USP50: variants seen among roughly 807,000 people sequenced by gnomAD.
The protein encoded by USP50 is ubiquitin specific peptidase 50.
USP50 carries 37 observed loss-of-function variants against 39.2 expected under a neutral mutation model. That is an observed-to-expected ratio of 0.94 (90% CI 0.73 to 1.24). The LOEUF (loss-of-function observed/expected upper bound fraction) is 1.24, where lower values mean the gene tolerates loss of function less well. Ranked by LOEUF, USP50 falls within the 50% of genes most tolerant of loss-of-function variation. The pLI, the probability that USP50 is intolerant of heterozygous loss-of-function variation, is 0.00. For synonymous variants in USP50, 139 were observed against 144.5 expected, an observed-to-expected ratio of 0.96 and a Z score of 0.27; for missense variants, 374 against 398.2, an observed-to-expected ratio of 0.94 and a Z score of 0.52.
At chr15:50,512,071 G>C (rs2052745478) in intron 6 of USP50, 1 of 152,158 alleles carries the variant, frequency 6.6e-6, no homozygotes, top group African/African-American at 2.4e-5. Flanking sequence ...TAGAGGCCAG[G>C]AGAAGTGGTT....
At chr15:50,496,102 A>G, downstream of USP50, 4 of 1,556,978 alleles carry the variant, frequency 2.6e-6, no homozygotes, top group Non-Finnish European at 3.5e-6. Flanking sequence ...TAAGAAGTAG[A>G]GAGAAAATGA....
At chr15:50,513,518 T>TAAAAAAA (rs35523535) in intron 6 of USP50, 1 of 85,958 alleles carries the variant, frequency 1.2e-5, no homozygotes, top group Non-Finnish European at 2.3e-5. Flanking sequence ...CGAAACTGTC[T>TAAAAAAA]AAAAAAAAAA....
intron 6 of USP50, among the ~76,000 whole-genome samples, chr15:50,514,677 T>C (rs1403385144): frequency 1.3e-5 from 2 of 151,942 alleles, no homozygotes; most frequent in Non-Finnish European, 2.9e-5. Flanking sequence ...TACAGGCGCA[T>C]GCCACCACAC....
At chr15:50,530,901 G>C (rs1337626232) in intron 5 of USP50, among the ~76,000 whole-genome samples, 1 of 151,628 alleles carries the variant, frequency 6.6e-6, no homozygotes, top group African/African-American at 2.4e-5. Flanking sequence ...TTCAGCACAG[G>C]TAGTCTTGGC....
At chr15:50,517,458 G>C (rs1262231978) in intron 6 of USP50, among the ~76,000 whole-genome samples, 1 of 141,746 alleles carries the variant, frequency 7.1e-6, no homozygotes, top group African/African-American at 2.6e-5. Flanking sequence ...GGCAACAAGA[G>C]CAAAACTCCA....
At chr15:50,536,821 T>TA (rs1302181301) in intron 5 of USP50, among the ~76,000 whole-genome samples, 1 of 152,098 alleles carries the variant, frequency 6.6e-6, no homozygotes, top group Non-Finnish European at 1.5e-5. Context: ...AGAGATATAT[T>TA]CTATATTCAT....
chr15:50,527,974 A>G (rs972476498), intron 6 of USP50, among the ~76,000 whole-genome samples: 1 of 151,840 alleles, frequency 6.6e-6, no homozygotes, highest in Non-Finnish European at 1.5e-5. Flanking sequence ...TGAATCTTCA[A>G]TTTGCAGCAA....
chr15:50,510,686 TAG>T (rs1194012154), intron 6 of USP50: 1 of 152,116 alleles, frequency 6.6e-6, no homozygotes, highest in African/African-American at 2.4e-5. Context: ...TATATATGTA[TAG>T]AGAGTGAAAG....
chr15:50,546,624 T>A lies in USP50; in HGVS notation c.-99A>T. 1 of 1,341,660 alleles carries A rather than the reference T, an allele frequency of 7.5e-7. No homozygotes were observed. Among genetic ancestry groups the A allele is most frequent in the Non-Finnish European group, 1.1e-6 (1 of 939,322 alleles). 83.1% of individuals were successfully genotyped at this position (1,341,660 alleles called of 1,614,324 possible). ...GCCTGTTAACGCTGGCTTTTTGTTT[T>A]AAACAATTGATATGCTCCTCTCTCT... On this transcript the variant is annotated 5_prime_UTR_variant, in exon 1 of 7. Transcript: ENST00000532404.
chr15:50,536,518 A>G (rs2052981620), intron 5 of USP50, among the ~76,000 whole-genome samples: 1 of 152,020 alleles, frequency 6.6e-6, no homozygotes, highest in South Asian at 2.1e-4. Flanking sequence ...GTGCATGCCT[A>G]TAATCCCAGC....
intron 5 of USP50, among the ~76,000 whole-genome samples, chr15:50,537,192 T>A (rs2052986142): frequency 6.6e-6 from 1 of 151,636 alleles, no homozygotes; most frequent in Non-Finnish European, 1.5e-5. Flanking sequence ...GGAGAAAAGA[T>A]GACCTTTTTC....
In USP50 at chr15:50,544,568, G is replaced by T; in HGVS notation, c.248+19C>A. 1 of 1,605,382 alleles carries T rather than the reference G, an allele frequency of 6.2e-7. No homozygotes were observed. The highest frequency in any genetic ancestry group is 8.5e-7 in the Non-Finnish European group (1 of 1,175,320). ...AGTGGGGGTGGGGGCTGGGCTGCAG[G>T]GAATGCAAATGGTCTTACTTTTGCA... is the stretch of plus-strand genomic sequence containing the variant. On this transcript the variant is annotated intron_variant, in intron 2 of 6. Coordinates refer to ENST00000532404, the MANE Select transcript of USP50 (RefSeq NM_203494.5).
chr15:50,530,045 G>T, intron 5 of USP50, 116 bp from the exon 6 acceptor site: 2 of 1,426,808 alleles, frequency 1.4e-6, no homozygotes, highest in Non-Finnish European at 1.9e-6. Flanking sequence ...AGTGGCTCAT[G>T]CCTGTAATCC....
chr15:50,519,338 C>T (rs2052829492), intron 6 of USP50, among the ~76,000 whole-genome samples: 1 of 151,782 alleles, frequency 6.6e-6, no homozygotes, highest in Non-Finnish European at 1.5e-5. Context: ...GACATGAATA[C>T]ACATTTCTCA....
At chr15:50,520,765 T>C (rs529012648) in intron 6 of USP50, among the ~76,000 whole-genome samples, 1 of 152,256 alleles carries the variant, frequency 6.6e-6, no homozygotes, top group East Asian at 1.9e-4. Context: ...CACTCATATG[T>C]GAGGCCTAAA....
downstream of USP50, chr15:50,500,088 A>G (rs949974475): frequency 3.3e-5 from 5 of 152,234 alleles, no homozygotes; most frequent in African/African-American, 7.2e-5. Flanking sequence ...AAAACACTCC[A>G]TATAAAAATA....
chr15:50,498,642 G>A (rs1433273543), downstream of USP50: 1 of 1,612,590 alleles, frequency 6.2e-7, no homozygotes, highest in East Asian at 2.2e-5. Context: ...GACATCTGTG[G>A]ACTTCCCGTT....
exon 2 of USP50, chr15:50,494,039 T>C (rs368423333): frequency 6.3e-7 from 1 of 1,590,438 alleles, no homozygotes; most frequent in African/African-American, 1.4e-5. Context: ...ATTTCCTTTA[T>C]TGTCTTTTGT....
chr15:50,545,518 G>A (rs951368167), intron 1 of USP50, among the ~76,000 whole-genome samples: 3 of 150,872 alleles, frequency 2.0e-5, no homozygotes, highest in African/African-American at 7.3e-5. Context: ...TATTAAGATT[G>A]TCTATATATA....
Sources: gnomAD v4.1 joint callset for allele counts (sites outside exome capture counted in the v4.1 genomes callset) on GRCh38, gnomAD v4.1.1 for gene constraint, MANE v1.5 for transcripts, NCBI Gene and HGNC (gene_info 2026-07-23, HGNC 2026-07-21) for gene names.